The following SPDYA variants were observed in gnomAD, a reference collection of about 807,000 sequenced individuals.
The protein encoded by SPDYA is speedy/RINGO cell cycle regulator family member A.
SPDYA carries 11 observed loss-of-function variants against 36.7 expected under a neutral mutation model. The observed-to-expected ratio is 0.30, with a 90% CI of 0.19 to 0.50. The LOEUF (loss-of-function observed/expected upper bound fraction) is 0.50, where lower values mean the gene tolerates loss of function less well. Among genes scored for constraint, SPDYA ranks in the 20% least tolerant of loss-of-function variants. The probability of loss-of-function intolerance (pLI) is 0.98; values close to 1 mark genes in which losing one functional copy is unlikely to be tolerated. For missense variants in SPDYA, 287 were observed against 370.9 expected (o/e 0.77, Z 1.86); for synonymous variants, 115 against 118.7 (o/e 0.97, Z 0.20).
chr2:28,819,578 C>A (rs1307538600), intron 4 of SPDYA, among the ~76,000 whole-genome samples: 1 of 151,458 alleles, frequency 6.6e-6, no homozygotes, highest in Non-Finnish European at 1.5e-5. Context: ...AAAGCAGAAG[C>A]TTTACACATG....
At chr2:28,823,722 T>TATATATATATATA (rs1668232864) in intron 5 of SPDYA, among the ~76,000 whole-genome samples, 1 of 107,360 alleles carries the variant, frequency 9.3e-6, no homozygotes, top group Admixed American at 9.1e-5. Flanking sequence ...TATATATATA[T>TATATATATATATA]ATATATATAT....
chr2:28,850,592 A>G lies in SPDYA; in HGVS notation c.*651A>G, dbSNP rs1237605358. The G allele has an allele frequency of 9.5e-6, 5 of 526,306 alleles. No individual in the cohort carries two copies. Among genetic ancestry groups the G allele is most frequent in the Non-Finnish European group, 1.3e-5 (4 of 299,270 alleles). The allele number at this position is 526,306 out of a possible 1,614,324, so 32.6% of individuals were successfully genotyped here. ...ATTTGTCAATGATTATGTAATAAAC[A>G]TATGATTTTATAACCAAATGGATAA... is the stretch of plus-strand genomic sequence containing the variant. On this transcript the variant is annotated 3_prime_UTR_variant, in exon 8 of 8. Coordinates refer to ENST00000334056, the MANE Select transcript of SPDYA (RefSeq NM_182756.4).
Position 28,850,378 on chromosome 2 carries a change from C to T in SPDYA, c.*437C>T. On this transcript the variant is annotated 3_prime_UTR_variant, in exon 8 of 8. Coordinates refer to ENST00000334056, the MANE Select transcript of SPDYA (RefSeq NM_182756.4). ...TGGTCTAGCAACATAGGGAAATGAT[C>T]CATATGGAAAATCAGAATGCGATTC... is the stretch of plus-strand genomic sequence containing the variant. 6.2e-7 allele frequency: 1 copy of T among 1,608,546 alleles called. No homozygotes were observed. The highest frequency in any genetic ancestry group is 8.5e-7 in the Non-Finnish European group (1 of 1,177,428).
chr2:28,836,636 T>G (rs187843070), intron 6 of SPDYA, among the ~76,000 whole-genome samples: 3 of 152,304 alleles, frequency 2.0e-5, no homozygotes, highest in African/African-American at 7.2e-5. Context: ...TGCTTTCCCC[T>G]TTTAGTCGAA....
chr2:28,828,079 C>T (rs144199030), intron 5 of SPDYA, among the ~76,000 whole-genome samples: 74 of 151,888 alleles, frequency 4.9e-4, no homozygotes, highest in African/African-American at 1.5e-3. Flanking sequence ...CTCTGCCTTC[C>T]GGGTTCAAGC....
At chr2:28,830,200 CTTT>C (rs573724918) in intron 6 of SPDYA, among the ~76,000 whole-genome samples, 2,213 of 108,706 alleles carry the variant, frequency 0.02, 16 homozygotes, top group Non-Finnish European at 0.033. Flanking sequence ...ATAGTAAGTA[CTTT>C]TTTTTTTTTT....
intron 4 of SPDYA, among the ~76,000 whole-genome samples, chr2:28,821,452 C>T (rs998338036): frequency 1.3e-5 from 2 of 152,082 alleles, no homozygotes; most frequent in African/African-American, 4.8e-5. Context: ...CCACCCGCCT[C>T]GACCTCCCAA....
At chr2:28,820,345 G>A (rs1244327466) in intron 4 of SPDYA, among the ~76,000 whole-genome samples, 1 of 152,020 alleles carries the variant, frequency 6.6e-6, no homozygotes, top group African/African-American at 2.4e-5. Context: ...CTAGCGCTTG[G>A]GATGCTGAGG....
intron 4 of SPDYA, among the ~76,000 whole-genome samples, chr2:28,819,844 AAAAAAATATATATATATAT>A (rs1668099054): frequency 2.8e-5 from 1 of 36,116 alleles, no homozygotes; most frequent in Admixed American, 4.5e-4. Flanking sequence ...AAAAAAAAAA[AAAAAAATATATATATATAT>A]ATATATATAT....
intron 5 of SPDYA, among the ~76,000 whole-genome samples, chr2:28,824,281 C>T (rs1558324300): frequency 6.6e-6 from 1 of 151,576 alleles, no homozygotes; most frequent in Non-Finnish European, 1.5e-5. Context: ...AGTCCAAGAC[C>T]AGCCTGGACA....
chr2:28,820,318 C>T (rs754057163), intron 4 of SPDYA, among the ~76,000 whole-genome samples: 1 of 151,940 alleles, frequency 6.6e-6, no homozygotes, highest in African/African-American at 2.4e-5. Flanking sequence ...TCAGCTTTGT[C>T]GCTCATACCT....
intron 7 of SPDYA, chr2:28,840,893 G>T: frequency 1.4e-4 from 52 of 365,478 alleles, no homozygotes; most frequent in South Asian, 2.3e-4. Flanking sequence ...TTATCACGAA[G>T]TATTTTCCCA....
chr2:28,846,347 G>T (rs542943527), intron 7 of SPDYA, among the ~76,000 whole-genome samples: 2 of 152,308 alleles, frequency 1.3e-5, no homozygotes, highest in South Asian at 2.1e-4. Flanking sequence ...GGTGGAGGTT[G>T]CAGTGAGCTG....
At chr2:28,814,953 C>T (rs1050332947) in intron 2 of SPDYA, among the ~76,000 whole-genome samples, 1 of 152,090 alleles carries the variant, frequency 6.6e-6, no homozygotes. Flanking sequence ...TATAATCAGT[C>T]ACTCAAATAG....
intron 6 of SPDYA, among the ~76,000 whole-genome samples, chr2:28,838,582 A>G (rs775824163): frequency 7.9e-5 from 12 of 152,214 alleles, no homozygotes; most frequent in Non-Finnish European, 1.6e-4. Context: ...TTATATGTGT[A>G]TAAAATATAT....
intron 7 of SPDYA, chr2:28,840,749 T>C (rs773834738): frequency 1.6e-4 from 180 of 1,106,706 alleles, no homozygotes; most frequent in Middle Eastern, 4.0e-4. Context: ...TTTTGAAATG[T>C]TTATTTTATT....
At chr2:28,826,611 CTTTTTTTTTTTTTTT>C (rs777338299) in intron 5 of SPDYA, among the ~76,000 whole-genome samples, 1 of 75,328 alleles carries the variant, frequency 1.3e-5, no homozygotes, top group Non-Finnish European at 2.2e-5. Flanking sequence ...TTCTTTCTCT[CTTTTTTTTTTTTTTT>C]TTTTTTTTTT....
At position 28,811,308 on chromosome 2, in the gene SPDYA, G is replaced by A. The variant is rs997960949; in HGVS notation, c.-93+361G>A. 1.3e-5 allele frequency: 2 copies of A among 152,268 alleles called. No individual in the cohort carries two copies. The highest frequency in any genetic ancestry group is 4.8e-5 in the African/African-American group (2 of 41,468). The allele number at this position is 152,268 out of a possible 1,614,324, so 9.4% of individuals were successfully genotyped here. A position where few individuals can be genotyped will look rare whatever the true frequency, so the allele number is the denominator to read the frequency against. On this transcript the variant is annotated intron_variant, in intron 1 of 7. Transcript: ENST00000334056. The surrounding 1 kb of genome is among the most constrained non-coding windows in gnomAD (Gnocchi z 4.2). The stretch of plus-strand genomic sequence containing the variant: ...AGCTCGGCCGTCTGCTCGGAGGGAG[G>A]GCCCTGGGCAGGCGCTCCCGTCTCC...
At chr2:28,838,545 T>C (rs1237260368) in intron 6 of SPDYA, among the ~76,000 whole-genome samples, 1 of 152,176 alleles carries the variant, frequency 6.6e-6, no homozygotes, top group Non-Finnish European at 1.5e-5. Context: ...TTAATTCACT[T>C]ATCACAGTAA....
Sources: allele counts gnomAD v4.1 joint callset (sites outside exome capture counted in the v4.1 genomes callset), GRCh38; gene constraint gnomAD v4.1.1; non-coding constraint Gnocchi (gnomAD v3.1); transcripts MANE v1.5; gene names NCBI Gene and HGNC (gene_info 2026-07-23, HGNC 2026-07-21).